Variants in TULP4 observed in about 807,000 individuals in gnomAD.
The protein encoded by TULP4 is tubby-related protein 4.
TULP4 carries 16 observed loss-of-function variants against 129.0 expected under a neutral mutation model. The observed-to-expected ratio is 0.12, with a 90% CI of 0.08 to 0.19. The LOEUF (loss-of-function observed/expected upper bound fraction) is 0.19, where lower values mean the gene tolerates loss of function less well. Ranked by LOEUF, TULP4 falls within the 10% of genes least tolerant of loss-of-function variation. The pLI is 1.00. For synonymous variants in TULP4, 998 were observed against 854.0 expected (o/e 1.17, Z -2.94); for missense variants, 1,842 against 2,059.1 (o/e 0.89, Z 2.04).
In TULP4 at chr6:158,502,725, G is replaced by A; in HGVS notation, c.3062G>A (p.Gly1021Glu). The A allele has an allele frequency of 6.4e-7, 1 of 1,570,410 alleles. No homozygotes were observed. Among genetic ancestry groups the A allele is most frequent in the Non-Finnish European group, 8.6e-7 (1 of 1,162,172 alleles). The change falls in exon 13 of 14, where the codon GGG becomes GAG. Residue 1021 changes from glycine (G) to glutamate (E), a missense_variant. Gly to Glu is a moderately conservative substitution (Grantham distance 98). Around this residue, in one of 5 missense-constraint regions of TULP4, gnomAD observed 1,089 missense variants for 987.1 expected, o/e 1.10. Coordinates refer to ENST00000367097, the MANE Select transcript of TULP4 (RefSeq NM_020245.5). ...GCCAAGTCCAAGGGCGGGCCCGGGG[G>A]GGTGGTGACACAGCTCCCAGCGCGG... is the stretch of plus-strand genomic sequence containing the variant. Reference protein sequence around the residue: ...PLAKSKGGPGGVVTQLPARPP... With the variant: ...PLAKSKGGPGEVVTQLPARPP...
upstream of TULP4, among the ~76,000 whole-genome samples, chr6:158,308,436 A>C (rs1210770744): frequency 1.3e-5 from 2 of 151,992 alleles, no homozygotes; most frequent in Non-Finnish European, 2.9e-5. Flanking sequence ...CCGATTTCTC[A>C]ATCTTTTCCC....
At chr6:158,450,230 C>T (rs1378381863) in intron 4 of TULP4, among the ~76,000 whole-genome samples, 1 of 152,198 alleles carries the variant, frequency 6.6e-6, no homozygotes, top group Non-Finnish European at 1.5e-5. Context: ...GCTGTGCTTA[C>T]ACTGCTGTGT....
At chr6:158,392,794 C>CTTTTTTCTTTTTTTT (rs1777615362) in intron 1 of TULP4, among the ~76,000 whole-genome samples, 1 of 54,642 alleles carries the variant, frequency 1.8e-5, no homozygotes, top group African/African-American at 8.7e-5. Flanking sequence ...ATTTGTATTT[C>CTTTTTTCTTTTTTTT]TTTTTTTTTT....
chr6:158,265,829 A>G (rs981623343), intron 1 of TULP4, among the ~76,000 whole-genome samples: 10 of 152,164 alleles, frequency 6.6e-5, no homozygotes, highest in African/African-American at 2.4e-4. Context: ...TTCTTAGATC[A>G]TTGGACAGCA....
At chr6:158,402,144 A>G (rs1303035763) in intron 1 of TULP4, among the ~76,000 whole-genome samples, 2 of 152,328 alleles carry the variant, frequency 1.3e-5, no homozygotes, top group South Asian at 2.1e-4. Flanking sequence ...AGAAGTCTAA[A>G]AGAAAACCAA....
At chr6:158,394,892 A>G (rs1021196168) in intron 1 of TULP4, among the ~76,000 whole-genome samples, 4 of 151,466 alleles carry the variant, frequency 2.6e-5, no homozygotes, top group African/African-American at 7.3e-5. Flanking sequence ...AATAGGAAGG[A>G]TGACTGGGAG....
In TULP4 at chr6:158,357,285, A is replaced by T. The variant is rs1780671438; in HGVS notation, c.252+43017A>T. 3.9e-5 allele frequency among the ~76,000 whole-genome samples: 6 copies of T among 152,226 alleles called. No individual in the cohort carries two copies. The South Asian group carries it at 1.2e-3, about 32-fold the overall frequency. On this transcript the variant is annotated intron_variant, in intron 1 of 13. Transcript: ENST00000367097. ...AACATGCATTTTTTAATGAAACGTG[A>T]CAGGATTTGCCACTGGTGTTACCAG...
At chr6:158,280,777 GAA>G (rs1778734917), upstream of TULP4, among the ~76,000 whole-genome samples, 1 of 152,238 alleles carries the variant, frequency 6.6e-6, no homozygotes, top group Non-Finnish European at 1.5e-5. Flanking sequence ...TTGGGAGAGA[GAA>G]ATGCTGTAAT....
chr6:158,503,836 G>A lies in TULP4; in HGVS notation c.4173G>A (p.Leu1391=). The A allele has an allele frequency of 6.2e-7, 1 of 1,614,136 alleles. No homozygotes were observed. The highest frequency in any genetic ancestry group is 8.5e-7 in the Non-Finnish European group (1 of 1,180,046). The change falls in exon 13 of 14, where the codon CTG becomes CTA. Residue 1391 remains leucine, a synonymous_variant. Coordinates refer to ENST00000367097, the MANE Select transcript of TULP4 (RefSeq NM_020245.5). This position sits in a 1 kb window ranked among gnomAD's most constrained non-coding sequence, Gnocchi z 4.3. The part of the protein sequence containing the change: ...KKKVKSQKDQ[L]KSKKLNKTNE... ...AAGTGAAGAGTCAGAAAGACCAACT[G>A]AAGTCAAAGAAGTTGAATAAGACAA... is the stretch of plus-strand genomic sequence containing the variant.
At chr6:158,429,561 T>G (rs903865209) in intron 2 of TULP4, among the ~76,000 whole-genome samples, 175 bp from the exon 3 acceptor site, 2 of 152,266 alleles carry the variant, frequency 1.3e-5, no homozygotes, top group African/African-American at 4.8e-5. Context: ...TTTACAGGCA[T>G]GAGGCACTGT....
intron 1 of TULP4, among the ~76,000 whole-genome samples, chr6:158,379,499 G>C (rs1777275533): frequency 6.6e-6 from 1 of 152,228 alleles, no homozygotes; most frequent in African/African-American, 2.4e-5. Flanking sequence ...CAACGATGGG[G>C]CAGAGTGTAA....
At chr6:158,270,460 G>A (rs975670031) in intron 1 of TULP4, among the ~76,000 whole-genome samples, 3 of 152,088 alleles carry the variant, frequency 2.0e-5, no homozygotes, top group South Asian at 2.1e-4. Context: ...GGTGCTTCTC[G>A]GGGCTAGGGA....
intron 1 of TULP4, among the ~76,000 whole-genome samples, chr6:158,316,066 C>G (rs566020812): frequency 6.6e-6 from 1 of 152,342 alleles, no homozygotes; most frequent in South Asian, 2.1e-4. Context: ...CTCTCTGTGT[C>G]TGGCTTCTTT....
chr6:158,390,303 C>G (rs1445427520), intron 1 of TULP4, among the ~76,000 whole-genome samples: 1 of 151,500 alleles, frequency 6.6e-6, no homozygotes, highest in Non-Finnish European at 1.5e-5. Context: ...CATAGTATAT[C>G]TGGTCTGTAG....
rs1160814801 is a variant in TULP4, at chr6:158,351,707, CTTTTTTTTT to C, written c.252+37460_252+37468del. ...AGTAGCATCTTTTTGTGTTGTTAAA[CTTTTTTTTT>C]TTTTTTTTTTTTTTTTTTTTGAGAC... On this transcript the variant is annotated intron_variant, in intron 1 of 13. Transcript: ENST00000367097. 2.8e-3 allele frequency among the ~76,000 whole-genome samples: 142 copies of C among 50,520 alleles called. 6 individuals are homozygous for C. Among genetic ancestry groups the C allele is most frequent in the Non-Finnish European group, 2.2e-3 (64 of 29,524 alleles). The allele number at this position is 50,520 out of a possible 152,430, so 33.1% of individuals were successfully genotyped here.
chr6:158,445,504 G>C (rs1463110355), intron 3 of TULP4, among the ~76,000 whole-genome samples: 1 of 152,286 alleles, frequency 6.6e-6, no homozygotes, highest in East Asian at 1.9e-4. Context: ...ATGAGAACCT[G>C]GGAGTGCAGA....
intron 1 of TULP4, among the ~76,000 whole-genome samples, chr6:158,393,648 C>T (rs1247504401): frequency 6.6e-6 from 1 of 152,234 alleles, no homozygotes; most frequent in Non-Finnish European, 1.5e-5. Flanking sequence ...ACAGCCTGAG[C>T]TGTACCTTGG....
At chr6:158,279,405 G>A (rs568332362), upstream of TULP4, among the ~76,000 whole-genome samples, 10 of 152,268 alleles carry the variant, frequency 6.6e-5, no homozygotes, top group African/African-American at 2.4e-4. Context: ...AAGTATGATA[G>A]AATGAAAATA....
intron 1 of TULP4, among the ~76,000 whole-genome samples, chr6:158,300,332 G>A (rs1179656799): frequency 1.3e-5 from 2 of 152,176 alleles, no homozygotes; most frequent in Non-Finnish European, 2.9e-5. Context: ...TTTTTTGCCT[G>A]TTCAGCTGCA....
Sources: allele counts gnomAD v4.1 joint callset (sites outside exome capture counted in the v4.1 genomes callset), GRCh38; gene constraint gnomAD v4.1.1; regional missense constraint gnomAD v4.1.1; non-coding constraint Gnocchi (gnomAD v3.1); transcripts MANE v1.5; gene names NCBI Gene and HGNC (gene_info 2026-07-23, HGNC 2026-07-21).